CPLANE1: variants seen among roughly 807,000 people sequenced by gnomAD.
CPLANE1 encodes the protein ciliogenesis and planar polarity effector 1.
Under a neutral mutation model 362.5 loss-of-function variants are expected in CPLANE1, and 263 were observed. That is an observed-to-expected ratio of 0.73 (90% CI 0.66 to 0.80). The LOEUF (loss-of-function observed/expected upper bound fraction) is 0.80. CPLANE1 is among the 30% of genes least tolerant of loss of function. The pLI is 0.00. For missense variants in CPLANE1, 3,461 were observed against 3,793.4 expected, an observed-to-expected ratio of 0.91 and a Z score of 2.30; for synonymous variants, 1,212 against 1,302.6, an observed-to-expected ratio of 0.93 and a Z score of 1.50.
At chr5:37,165,098 C>T (rs1005364510) in intron 36 of CPLANE1, among the ~76,000 whole-genome samples, 4 of 151,626 alleles carry the variant, frequency 2.6e-5, no homozygotes, top group Non-Finnish European at 5.9e-5. Flanking sequence ...AGAGCAAGGC[C>T]CTATCTCTAA....
chr5:37,093,566 G>C, the CPLANE1 span, among the ~76,000 whole-genome samples: 1 of 152,148 alleles, frequency 6.6e-6, no homozygotes, highest in Non-Finnish European at 1.5e-5. Flanking sequence ...CTCCTGGTTA[G>C]ACCCCCACTC....
chr5:37,105,679 C>T (rs1757536359), downstream of CPLANE1, among the ~76,000 whole-genome samples: 1 of 152,128 alleles, frequency 6.6e-6, no homozygotes, highest in South Asian at 2.1e-4. Context: ...TTACATCAAG[C>T]TGAAAAGCTT....
At chr5:37,185,146 C>A (rs906198803) in intron 24 of CPLANE1, 67 bp from the exon 25 acceptor site, 2 of 1,428,410 alleles carry the variant, frequency 1.4e-6, no homozygotes, top group East Asian at 2.3e-5. Context: ...ATAGGAGACC[C>A]AACTCTGGTC....
chr5:37,175,924 C>T lies in CPLANE1; in HGVS notation c.5963G>A (p.Ser1988Asn), dbSNP rs1185288449. The change falls in exon 31 of 53, where the codon AGT becomes AAT. Residue 1988 changes from serine to asparagine, a missense_variant. This residue lies in a region of CPLANE1 where 3,380 missense variants were observed against 3,666.1 expected (regional missense o/e 0.92). Coordinates refer to ENST00000651892, the MANE Select transcript of CPLANE1 (RefSeq NM_001384732.1). ...AACTTCTTACCTAGAAATTTCTGAA[C>T]TCGTATCTACTTGCATTGATTGAGG... ...TTPQSMQVDT[S>N]SEISSAQIST... 1 of 1,612,646 alleles carries T rather than the reference C, an allele frequency of 6.2e-7. No individual in the cohort carries two copies. The highest frequency in any genetic ancestry group is 1.7e-5 in the Admixed American group (1 of 59,920).
chr5:37,106,770 G>T lies in CPLANE1; in HGVS notation c.*832C>A. On this transcript the variant is annotated 3_prime_UTR_variant, in exon 53 of 53. Coordinates refer to ENST00000651892, the MANE Select transcript of CPLANE1 (RefSeq NM_001384732.1). ...TTTGGAAAAAGAGGGGTATTTAATA[G>T]CTTTTTCAGATGATAGTGTGCTTTT... is the stretch of plus-strand genomic sequence containing the variant. The T allele has an allele frequency of 1.2e-6, 1 of 865,426 alleles. No individual in the cohort carries two copies. 53.6% of individuals were successfully genotyped at this position (865,426 alleles called of 1,614,324 possible).
rs781721269 is a variant in CPLANE1, at chr5:37,170,098, G to C, written c.6405C>G (p.Ser2135Arg). Reference sequence around the variant, plus strand: ...GGATAGTTCCTTCATGGCAGTGTGGGCTGTTCTTGCGAGGCTCTCTGGCGT... The same window carrying C: ...GGATAGTTCCTTCATGGCAGTGTGGCCTGTTCTTGCGAGGCTCTCTGGCGT... ...GENAREPRKN[S>R]PHCHEGTIPS... is the part of the protein sequence containing the mutation. The change falls in exon 33 of 53, where the codon AGC becomes AGG. Residue 2135 changes from serine to arginine, a missense_variant. Coordinates refer to ENST00000651892, the MANE Select transcript of CPLANE1 (RefSeq NM_001384732.1). The C allele has an allele frequency of 1.6e-5, 26 of 1,614,100 alleles. No homozygotes were observed. The highest frequency in any genetic ancestry group is 2.2e-5 in the Non-Finnish European group (26 of 1,180,022).
chr5:37,213,696 C>A lies in CPLANE1; in HGVS notation c.2783G>T (p.Gly928Val). 1 of 1,529,836 alleles carries A rather than the reference C, an allele frequency of 6.5e-7. No homozygotes were observed. Among genetic ancestry groups the A allele is most frequent in the Admixed American group, 2.0e-5 (1 of 49,736 alleles). 94.8% of individuals were successfully genotyped at this position (1,529,836 alleles called of 1,614,324 possible). The change falls in exon 16 of 53, where the codon GGC becomes GTC. Residue 928 changes from glycine to valine, a missense_variant. This residue lies in a region of CPLANE1 where 3,380 missense variants were observed against 3,666.1 expected (regional missense o/e 0.92). Coordinates refer to ENST00000651892, the MANE Select transcript of CPLANE1 (RefSeq NM_001384732.1). ...CACTGCTGCCTCAGGATGAACACCGCCCACCATTCCACACTCAAAATGAGA... is the reference window on the plus strand; with the variant it reads ...CACTGCTGCCTCAGGATGAACACCGACCACCATTCCACACTCAAAATGAGA... The part of the protein sequence containing the change: ...AKSHFECGMV[G>V]GVHPEAAVRV...
chr5:37,131,086 G>A (rs994639196), intron 46 of CPLANE1, among the ~76,000 whole-genome samples: 1 of 152,122 alleles, frequency 6.6e-6, no homozygotes, highest in Non-Finnish European at 1.5e-5. Context: ...CTTTGCCAAC[G>A]TATTTTGTTT....
In CPLANE1 at chr5:37,177,610, T is replaced by C. The variant is rs1561506028; in HGVS notation, c.5900+11A>G. ...CAGTGACAATCACTGTCATACTTTT[T>C]TCCCCCTTACCCTTTTTGTTCAGTC... On this transcript the variant is annotated intron_variant, in intron 30 of 52. Transcript: ENST00000651892. 3 of 1,605,596 alleles carry C rather than the reference T, an allele frequency of 1.9e-6. No individual in the cohort carries two copies. The highest frequency in any genetic ancestry group is 2.2e-5 in the East Asian group (1 of 44,816).
At chr5:37,238,313 C>T (rs556577283) in intron 8 of CPLANE1, among the ~76,000 whole-genome samples, 28 of 151,994 alleles carry the variant, frequency 1.8e-4, no homozygotes, top group Non-Finnish European at 3.2e-4. Flanking sequence ...GCTGGGACTA[C>T]AGGAACATGC....
the CPLANE1 span, among the ~76,000 whole-genome samples, chr5:37,084,727 T>C: frequency 4.0e-5 from 6 of 151,790 alleles, no homozygotes; most frequent in Admixed American, 6.6e-5. Flanking sequence ...GCTGAGATCA[T>C]GCCATTGCAC....
chr5:37,240,286 G>A (rs1386946917), intron 6 of CPLANE1, among the ~76,000 whole-genome samples: 1 of 152,092 alleles, frequency 6.6e-6, no homozygotes, highest in Non-Finnish European at 1.5e-5. Flanking sequence ...GGAGGCGGAG[G>A]TCGCAGTGAG....
In CPLANE1 at chr5:37,153,849, C is replaced by T. The variant is rs55829605; in HGVS notation, c.8264G>A (p.Ser2755Asn). 1 of 1,614,132 alleles carries T rather than the reference C, an allele frequency of 6.2e-7. No individual in the cohort carries two copies. Among genetic ancestry groups the T allele is most frequent in the Non-Finnish European group, 8.5e-7 (1 of 1,180,030 alleles). Residue 2755 changes from serine to asparagine, a missense_variant, in exon 42 of 53, where the codon AGT (serine) becomes AAT (asparagine). Coordinates refer to ENST00000651892, the MANE Select transcript of CPLANE1 (RefSeq NM_001384732.1). ...CTCGTCAATTTTCTGAAGCTTAGCA[C>T]TGAGATGCTCTAGTTGGTGAGCTGC... is the stretch of plus-strand genomic sequence containing the variant. ...SSAAHQLEHL[S>N]AKLQKIDEQL...
At chr5:37,085,983 T>C in the CPLANE1 span, 1 of 591,560 alleles carries the variant, frequency 1.7e-6, no homozygotes, top group South Asian at 2.2e-5. Context: ...ATAAAAGGAC[T>C]TGTCCAACAG....
the CPLANE1 span, among the ~76,000 whole-genome samples, chr5:37,098,415 AC>A: frequency 2.7e-5 from 4 of 146,910 alleles, no homozygotes; most frequent in Non-Finnish European, 4.5e-5. Flanking sequence ...AAAAAAAAAA[AC>A]CACACACATA....
chr5:37,136,691 C>T (rs1580056579), intron 46 of CPLANE1, among the ~76,000 whole-genome samples: 1 of 152,244 alleles, frequency 6.6e-6, no homozygotes, highest in Non-Finnish European at 1.5e-5. Context: ...CCTCTGAAAT[C>T]TACTAGAAGG....
At chr5:37,215,366 T>C (rs1793758434) in intron 15 of CPLANE1, among the ~76,000 whole-genome samples, 1 of 152,146 alleles carries the variant, frequency 6.6e-6, no homozygotes, top group South Asian at 2.1e-4. Context: ...ATTTTCTTAA[T>C]ACAACTTTCC....
At chr5:37,178,779 A>G (rs1385298293) in intron 29 of CPLANE1, among the ~76,000 whole-genome samples, 2 of 152,110 alleles carry the variant, frequency 1.3e-5, no homozygotes, top group Non-Finnish European at 2.9e-5. Flanking sequence ...TTTTTTTAAA[A>G]GACAGGGTCT....
At chr5:37,151,057 C>T (rs1404566836) in intron 42 of CPLANE1, among the ~76,000 whole-genome samples, 1 of 152,120 alleles carries the variant, frequency 6.6e-6, no homozygotes, top group Admixed American at 6.5e-5. Flanking sequence ...TTCCTACTGC[C>T]TGCTTATAGG....
Sources: gnomAD v4.1 joint callset for allele counts (sites outside exome capture counted in the v4.1 genomes callset) on GRCh38, gnomAD v4.1.1 for gene constraint, gnomAD v4.1.1 regional missense constraint, MANE v1.5 for transcripts, NCBI Gene and HGNC (gene_info 2026-07-23, HGNC 2026-07-21) for gene names.